Variants in FARS2 observed in about 807,000 individuals in gnomAD.
FARS2 encodes the protein phenylalanine--tRNA ligase, mitochondrial.
FARS2 carries 40 observed loss-of-function variants against 46.4 expected under a neutral mutation model. The observed-to-expected ratio is 0.86, with a 90% confidence interval of 0.67 to 1.12. The LOEUF is 1.12. Ranked by LOEUF, FARS2 falls within the 50% of genes most tolerant of loss-of-function variation. The probability of loss-of-function intolerance (pLI) is 0.00; values close to 1 mark genes in which losing one functional copy is unlikely to be tolerated. For synonymous variants in FARS2, 234 were observed against 214.9 expected (o/e 1.09, Z -0.78); for missense variants, 513 against 567.9 (o/e 0.90, Z 0.98).
chr6:5,315,634 T>C (rs1769414778), intron 1 of FARS2, among the ~76,000 whole-genome samples: 1 of 152,144 alleles, frequency 6.6e-6, no homozygotes, highest in Admixed American at 6.5e-5. Context: ...AGCAAGTTTT[T>C]CCCAAAACAC....
At chr6:5,307,495 G>GCA (rs1364700728) in intron 1 of FARS2, among the ~76,000 whole-genome samples, 1 of 152,084 alleles carries the variant, frequency 6.6e-6, no homozygotes, top group Non-Finnish European at 1.5e-5. Context: ...ACACACGCGT[G>GCA]CACACACACA....
At chr6:5,756,485 C>G (rs571886684) in intron 6 of FARS2, among the ~76,000 whole-genome samples, 1 of 149,334 alleles carries the variant, frequency 6.7e-6, no homozygotes, top group South Asian at 2.1e-4. Context: ...CATGTCTTAC[C>G]ATGGCAGAGC....
chr6:5,256,786 CCT>C (rs556196487), upstream of FARS2, among the ~76,000 whole-genome samples: 4 of 152,166 alleles, frequency 2.6e-5, no homozygotes, highest in South Asian at 8.3e-4. Context: ...ACTAAAAAAC[CCT>C]CTCTCCACAA....
intron 4 of FARS2, among the ~76,000 whole-genome samples, chr6:5,492,179 G>A (rs1341129207): frequency 2.0e-5 from 3 of 152,192 alleles, no homozygotes; most frequent in Non-Finnish European, 4.4e-5. Context: ...TAAAGTAGTA[G>A]TAGTTTAAGT....
At chr6:5,750,454 G>A (rs1761882745) in intron 6 of FARS2, among the ~76,000 whole-genome samples, 1 of 152,174 alleles carries the variant, frequency 6.6e-6, no homozygotes. Context: ...TTTTCAGGAA[G>A]CTTGGTTGAG....
intron 6 of FARS2, among the ~76,000 whole-genome samples, chr6:5,734,829 A>C (rs891492231): frequency 2.0e-5 from 3 of 152,224 alleles, no homozygotes; most frequent in African/African-American, 7.2e-5. Flanking sequence ...ATACATACAT[A>C]CATACATGCA....
chr6:5,383,974 C>G (rs946467911), intron 2 of FARS2, among the ~76,000 whole-genome samples: 4 of 151,864 alleles, frequency 2.6e-5, no homozygotes, highest in Middle Eastern at 3.4e-3. Flanking sequence ...GATCTGTCAT[C>G]ATGGCCCAGG....
chr6:5,298,505 G>A (rs994805089), intron 1 of FARS2, among the ~76,000 whole-genome samples: 3 of 152,192 alleles, frequency 2.0e-5, no homozygotes, highest in Non-Finnish European at 2.9e-5. Context: ...ACTCTGATTT[G>A]GAAGGTATCT....
intron 5 of FARS2, among the ~76,000 whole-genome samples, chr6:5,553,444 G>C (rs891155740): frequency 6.6e-6 from 1 of 152,118 alleles, no homozygotes; most frequent in Non-Finnish European, 1.5e-5. Context: ...TTCTTGCAGT[G>C]TTATACGTGA....
intron 6 of FARS2, among the ~76,000 whole-genome samples, chr6:5,680,855 C>T (rs1029677225): frequency 7.1e-6 from 1 of 140,222 alleles, no homozygotes; most frequent in Admixed American, 7.1e-5. Context: ...GTTCACTAAA[C>T]AGTTGATCTA....
At chr6:5,605,019 G>C (rs1774749081) in intron 5 of FARS2, among the ~76,000 whole-genome samples, 1 of 152,226 alleles carries the variant, frequency 6.6e-6, no homozygotes, top group Non-Finnish European at 1.5e-5. Context: ...CCCTGACAAA[G>C]TTAAGAACCA....
At chr6:5,339,631 C>T (rs1217087320) in intron 1 of FARS2, among the ~76,000 whole-genome samples, 6 of 152,004 alleles carry the variant, frequency 3.9e-5, no homozygotes, top group African/African-American at 1.5e-4. Flanking sequence ...GATGGTGTCT[C>T]GCTATGTTGC....
chr6:5,321,441 G>A (rs548293317), intron 1 of FARS2, among the ~76,000 whole-genome samples: 9 of 152,202 alleles, frequency 5.9e-5, no homozygotes, highest in African/African-American at 1.7e-4. Context: ...ATGGAGTGTC[G>A]CCTGTGGGAT....
chr6:5,627,400 A>C (rs755393492), intron 6 of FARS2, among the ~76,000 whole-genome samples: 24 of 152,250 alleles, frequency 1.6e-4, no homozygotes, highest in Non-Finnish European at 2.9e-4. Context: ...AGCAGGTGAA[A>C]TATTTATATA....
intron 3 of FARS2, among the ~76,000 whole-genome samples, chr6:5,410,798 T>G (rs188853745): frequency 1.3e-5 from 2 of 152,312 alleles, no homozygotes; most frequent in Admixed American, 1.3e-4. Flanking sequence ...TATAATTAAT[T>G]GTTAGTGCTA....
At chr6:5,270,489 G>A (rs1489188259) in intron 1 of FARS2, among the ~76,000 whole-genome samples, 1 of 152,228 alleles carries the variant, frequency 6.6e-6, no homozygotes, top group Non-Finnish European at 1.5e-5. Flanking sequence ...CTGTCTGGAT[G>A]CCCTTCTGTT....
chr6:5,705,660 A>G (rs1758704272), intron 6 of FARS2, among the ~76,000 whole-genome samples: 1 of 152,104 alleles, frequency 6.6e-6, no homozygotes, highest in Admixed American at 6.5e-5. Context: ...TGGTCCCATC[A>G]TATTCCCAAC....
At chr6:5,504,368 A>G (rs569673868) in intron 4 of FARS2, among the ~76,000 whole-genome samples, 7 of 151,180 alleles carry the variant, frequency 4.6e-5, no homozygotes, top group African/African-American at 1.5e-4. Flanking sequence ...TTAAAGACCT[A>G]TACACTGAGT....
chr6:5,728,180 T>G (rs1760387328), intron 6 of FARS2, among the ~76,000 whole-genome samples: 1 of 152,186 alleles, frequency 6.6e-6, no homozygotes, highest in African/African-American at 2.4e-5. Context: ...AGGGATAGTT[T>G]CCTGAGAAAC....
Sources: gnomAD v4.1 joint callset for allele counts (sites outside exome capture counted in the v4.1 genomes callset) on GRCh38, gnomAD v4.1.1 for gene constraint, MANE v1.5 for transcripts, NCBI Gene and HGNC (gene_info 2026-07-23, HGNC 2026-07-21) for gene names.